The following NRXN3 variants were observed in gnomAD, a reference collection of about 807,000 sequenced individuals.
NRXN3 encodes neurexin III.
A neutral mutation model predicts 137.6 loss-of-function variants in NRXN3; 32 were observed. That is an observed-to-expected ratio of 0.23 (90% confidence interval 0.18 to 0.31). The LOEUF (loss-of-function observed/expected upper bound fraction) is 0.31, where lower values mean the gene tolerates loss of function less well. Ranked by LOEUF, NRXN3 falls within the 10% of genes least tolerant of loss-of-function variation. The probability of loss-of-function intolerance (pLI) is 1.00; values close to 1 mark genes in which losing one functional copy is unlikely to be tolerated. For synonymous variants in NRXN3, 798 were observed against 784.5 expected, an observed-to-expected ratio of 1.02 and a Z score of -0.29; for missense variants, 1,574 against 2,062.5, an observed-to-expected ratio of 0.76 and a Z score of 4.59.
chr14:79,349,545 TACACACACACAC>T lies in NRXN3; in HGVS notation c.3263-117644_3263-117633del, dbSNP rs71131694. 6.7e-3 allele frequency among the ~76,000 whole-genome samples: 923 copies of T among 137,684 alleles called. 6 individuals are homozygous for T. Among genetic ancestry groups the T allele is most frequent in the African/African-American group, 0.021 (776 of 37,046 alleles). The allele number at this position is 137,684 out of a possible 152,430, so 90.3% of individuals were successfully genotyped here. A position where few individuals can be genotyped will look rare whatever the true frequency, so the allele number is the denominator to read the frequency against. ...CTCCGTCCTCCCCGGGAAAAAAAAATACACACACACACACACACACACACACACACACACACA... is the reference window on the plus strand; with the variant it reads ...CTCCGTCCTCCCCGGGAAAAAAAAATACACACACACACACACACACACACA... On this transcript the variant is annotated intron_variant, in intron 15 of 20. Transcript: ENST00000335750.
intron 15 of NRXN3, among the ~76,000 whole-genome samples, chr14:79,366,816 T>C (rs1350263375): frequency 6.6e-6 from 1 of 152,156 alleles, no homozygotes; most frequent in Non-Finnish European, 1.5e-5. Context: ...TGGATAGCAT[T>C]CTCGAACAGA....
At chr14:79,606,810 C>T (rs1367086613) in intron 16 of NRXN3, among the ~76,000 whole-genome samples, 1 of 152,208 alleles carries the variant, frequency 6.6e-6, no homozygotes, top group Non-Finnish European at 1.5e-5. Flanking sequence ...ATGGGTACCA[C>T]TGTTCTAGGC....
At position 79,786,976 on chromosome 14, in the gene NRXN3, C is replaced by T. The variant is rs557167219; in HGVS notation, c.4015-18136C>T. Among the ~76,000 whole-genome samples the T allele has an allele frequency of 1.1e-4, 17 of 152,316 alleles. 1 individual carries two copies. The East Asian group carries it at 2.7e-3, about 24-fold the overall frequency. ...TAGGTTCCTCCTATCTGCTGCTCAG[C>T]GCTAAGGCTATTTGAAAGGAGGAGA... On this transcript the variant is annotated intron_variant, in intron 19 of 20. Transcript: ENST00000335750.
At chr14:78,851,613 G>C (rs2099042861) in intron 10 of NRXN3, among the ~76,000 whole-genome samples, 1 of 152,200 alleles carries the variant, frequency 6.6e-6, no homozygotes, top group Non-Finnish European at 1.5e-5. Flanking sequence ...TGGCAGCCAG[G>C]AGAGTTAGTC....
At chr14:78,523,988 C>G (rs552129113) in intron 4 of NRXN3, among the ~76,000 whole-genome samples, 1 of 152,044 alleles carries the variant, frequency 6.6e-6, no homozygotes, top group Non-Finnish European at 1.5e-5. Flanking sequence ...ACAAAACAGC[C>G]CAATCAATGT....
At chr14:79,046,116 C>G (rs541301757) in intron 15 of NRXN3, among the ~76,000 whole-genome samples, 1 of 152,314 alleles carries the variant, frequency 6.6e-6, no homozygotes, top group African/African-American at 2.4e-5. Context: ...ACCAACTGAT[C>G]TAGGTTTAAG....
At chr14:79,374,621 G>A (rs905151125) in intron 15 of NRXN3, among the ~76,000 whole-genome samples, 1 of 151,910 alleles carries the variant, frequency 6.6e-6, no homozygotes, top group Admixed American at 6.6e-5. Context: ...GCATCCCTTT[G>A]TATTGACCTC....
intron 15 of NRXN3, among the ~76,000 whole-genome samples, chr14:79,363,310 CTT>C (rs1342762365): frequency 1.3e-5 from 2 of 152,108 alleles, no homozygotes; most frequent in African/African-American, 4.8e-5. Flanking sequence ...AAAATTGTCT[CTT>C]TTTTGATATT....
chr14:79,088,615 A>G (rs1434984449), intron 15 of NRXN3, among the ~76,000 whole-genome samples: 2 of 152,168 alleles, frequency 1.3e-5, no homozygotes, highest in African/African-American at 4.8e-5. Flanking sequence ...CAGATGTAGT[A>G]CCTGCGGAAG....
intron 6 of NRXN3, among the ~76,000 whole-genome samples, chr14:78,664,717 T>C (rs1198973359): frequency 6.6e-6 from 1 of 152,238 alleles, no homozygotes; most frequent in African/African-American, 2.4e-5. Context: ...ATTGTTATTA[T>C]AGTCCTCATC....
At chr14:78,375,503 C>T (rs551350473) in intron 4 of NRXN3, among the ~76,000 whole-genome samples, 16 of 152,194 alleles carry the variant, frequency 1.1e-4, no homozygotes, top group Non-Finnish European at 2.1e-4. Flanking sequence ...GGACATGATT[C>T]ATCCACTCAT....
At chr14:78,186,803 G>C (rs1263829583) in intron 1 of NRXN3, among the ~76,000 whole-genome samples, 1 of 152,162 alleles carries the variant, frequency 6.6e-6, no homozygotes, top group East Asian at 1.9e-4. Flanking sequence ...GTGGGAACAT[G>C]ATGCTCCCTG....
chr14:79,067,856 G>T (rs1011196265), intron 15 of NRXN3, among the ~76,000 whole-genome samples: 1 of 151,984 alleles, frequency 6.6e-6, no homozygotes, highest in African/African-American at 2.4e-5. Flanking sequence ...TTGGGGGCAG[G>T]ACTTAATTTG....
At chr14:79,276,153 G>C (rs561101552) in intron 15 of NRXN3, among the ~76,000 whole-genome samples, 4 of 152,168 alleles carry the variant, frequency 2.6e-5, no homozygotes, top group Non-Finnish European at 5.9e-5. Context: ...GCAGTATTTA[G>C]AAAGTATCAC....
intron 15 of NRXN3, among the ~76,000 whole-genome samples, chr14:79,155,081 C>T (rs1365062809): frequency 6.6e-6 from 1 of 151,864 alleles, no homozygotes; most frequent in Non-Finnish European, 1.5e-5. Context: ...ACTTTTTCCT[C>T]CCCGTCGTGG....
intron 10 of NRXN3, among the ~76,000 whole-genome samples, chr14:78,889,503 T>C (rs548688483): frequency 6.6e-6 from 1 of 152,062 alleles, no homozygotes; most frequent in Non-Finnish European, 1.5e-5. Flanking sequence ...ATTTTGGGAA[T>C]GGCTACCTCT....
At chr14:78,818,260 A>G (rs1258994278) in intron 10 of NRXN3, among the ~76,000 whole-genome samples, 1 of 152,154 alleles carries the variant, frequency 6.6e-6, no homozygotes, top group East Asian at 1.9e-4. Flanking sequence ...TTACATTGAT[A>G]TCTGCCACTG....
At chr14:78,357,753 C>T (rs185380437) in intron 4 of NRXN3, among the ~76,000 whole-genome samples, 177 of 152,274 alleles carry the variant, frequency 1.2e-3, no homozygotes, top group African/African-American at 3.9e-3. Context: ...ACATTGGATT[C>T]ACTAAGATAG....
intron 19 of NRXN3, among the ~76,000 whole-genome samples, chr14:79,736,308 T>C (rs1189552200): frequency 6.6e-6 from 1 of 152,190 alleles, no homozygotes; most frequent in African/African-American, 2.4e-5. Flanking sequence ...CCAACCTAGA[T>C]GAGTTACCAG....
Sources: gnomAD v4.1 joint callset for allele counts (sites outside exome capture counted in the v4.1 genomes callset) on GRCh38, gnomAD v4.1.1 for gene constraint, MANE v1.5 for transcripts, NCBI Gene and HGNC (gene_info 2026-07-23, HGNC 2026-07-21) for gene names.